The following IL1RAPL2 variants were observed in gnomAD, a reference collection of about 807,000 sequenced individuals.
The protein encoded by IL1RAPL2 is X-linked interleukin-1 receptor accessory protein-like 2.
In IL1RAPL2, 3 loss-of-function variants were observed where a neutral mutation model predicts 44.1. That is an observed-to-expected ratio of 0.07 (90% CI 0.03 to 0.18). IL1RAPL2 has a LOEUF of 0.18. IL1RAPL2 is among the 10% of genes least tolerant of loss of function. The probability of loss-of-function intolerance (pLI) is 1.00; values close to 1 mark genes in which losing one functional copy is unlikely to be tolerated. For synonymous variants in IL1RAPL2, 181 were observed against 178.8 expected, an observed-to-expected ratio of 1.01 and a Z score of -0.10; for missense variants, 391 against 496.4, an observed-to-expected ratio of 0.79 and a Z score of 2.02.
rs185911652 is a variant in IL1RAPL2 at position 105,475,146 on chromosome X, A to G, written c.698-9167A>G. Among the ~76,000 whole-genome samples, 214 of 111,882 alleles carry G rather than the reference A, an allele frequency of 1.9e-3. 1 individual carries two copies. The highest frequency in any genetic ancestry group is 6.3e-3 in the African/African-American group (195 of 30,866). ...TTGGCATGAAATCCCTGCTTAATCA[A>G]TGTTAGCCATGGTGCAGTAGCAAGA... On this transcript the variant is annotated intron_variant, in intron 5 of 10. Coordinates refer to ENST00000372582, the MANE Select transcript of IL1RAPL2 (RefSeq NM_017416.2).
At chrX:105,369,846 A>T (rs1250529713) in intron 5 of IL1RAPL2, among the ~76,000 whole-genome samples, 2 of 111,107 alleles carry the variant, frequency 1.8e-5, no homozygotes, top group African/African-American at 6.6e-5. Context: ...CAAGCCAGGG[A>T]AGAATGTGTG....
At chrX:104,674,762 C>A (rs201745182) in intron 2 of IL1RAPL2, among the ~76,000 whole-genome samples, 1 of 110,375 alleles carries the variant, frequency 9.1e-6, no homozygotes, top group East Asian at 2.9e-4. Context: ...TTGATTATTG[C>A]CACAATTTCA....
chrX:105,578,606 T>C (rs1001634983), intron 6 of IL1RAPL2, among the ~76,000 whole-genome samples: 18 of 111,070 alleles, frequency 1.6e-4, no homozygotes, highest in Non-Finnish European at 7.6e-5. Flanking sequence ...TATGGTAAGA[T>C]GCCTTTAAAG....
intron 5 of IL1RAPL2, among the ~76,000 whole-genome samples, chrX:105,301,685 G>A (rs2034698959): frequency 8.9e-6 from 1 of 111,799 alleles, no homozygotes; most frequent in African/African-American, 3.3e-5. Flanking sequence ...CATCCATGTT[G>A]TTGCAATTGA....
At chrX:105,110,843 A>C (rs761049335) in intron 2 of IL1RAPL2, among the ~76,000 whole-genome samples, 10 of 111,443 alleles carry the variant, frequency 9.0e-5, no homozygotes, top group Admixed American at 3.8e-4. Context: ...AGGCCAAGGC[A>C]GGAGAACCGC....
chrX:104,921,877 C>T (rs1046304600), intron 2 of IL1RAPL2, among the ~76,000 whole-genome samples: 14 of 112,022 alleles, frequency 1.2e-4, no homozygotes, highest in African/African-American at 4.5e-4. Flanking sequence ...AGGGAGATCT[C>T]CCAAGTCCAG....
intron 2 of IL1RAPL2, among the ~76,000 whole-genome samples, chrX:105,065,156 C>T (rs1437162073): frequency 8.9e-6 from 1 of 112,108 alleles, no homozygotes; most frequent in Non-Finnish European, 1.9e-5. Context: ...AATGGAATAT[C>T]TAGCCCCTGA....
At position 105,586,946 on chromosome X, in the gene IL1RAPL2, G is replaced by T. The variant is rs2037133690; in HGVS notation, c.772+102559G>T. ...AGAGAAAGTACTGATCTCTCTTGGG[G>T]TTCCCTTTCCTTGTTTCTCAACCTG... is the stretch of plus-strand genomic sequence containing the variant. On this transcript the variant is annotated intron_variant, in intron 6 of 10. Coordinates refer to ENST00000372582, the MANE Select transcript of IL1RAPL2 (RefSeq NM_017416.2). Among the ~76,000 whole-genome samples the T allele has an allele frequency of 6.2e-5, 7 of 112,109 alleles. No individual in the cohort carries two copies. The South Asian group carries it at 2.6e-3, about 42-fold the overall frequency.
chrX:105,392,948 T>C (rs975204852), intron 5 of IL1RAPL2, among the ~76,000 whole-genome samples: 9 of 112,511 alleles, frequency 8.0e-5, no homozygotes, highest in African/African-American at 2.3e-4. Context: ...CATTTTAAAA[T>C]TGGGATAACT....
intron 2 of IL1RAPL2, among the ~76,000 whole-genome samples, chrX:104,813,219 A>G (rs1182400781): frequency 9.0e-6 from 1 of 111,625 alleles, no homozygotes; most frequent in Non-Finnish European, 1.9e-5. Flanking sequence ...GGAGCTAGTC[A>G]GCAGTGGTGG....
chrX:105,087,655 A>G (rs2032494791), intron 2 of IL1RAPL2, among the ~76,000 whole-genome samples: 1 of 111,495 alleles, frequency 9.0e-6, no homozygotes, highest in South Asian at 3.7e-4. Flanking sequence ...TAGTTCTAAT[A>G]ATTACTACTT....
At chrX:105,167,688 T>C (rs2033383246) in intron 2 of IL1RAPL2, among the ~76,000 whole-genome samples, 1 of 90,148 alleles carries the variant, frequency 1.1e-5, no homozygotes, top group Non-Finnish European at 2.1e-5. Context: ...CACAGCTTCA[T>C]TGCAAAACTG....
chrX:105,708,828 A>G (rs1269338665), intron 6 of IL1RAPL2, among the ~76,000 whole-genome samples: 1 of 112,062 alleles, frequency 8.9e-6, no homozygotes, highest in Admixed American at 9.5e-5. Flanking sequence ...TAGATTGGCT[A>G]CTCTACAAAC....
At chrX:104,722,260 A>C (rs1221067941) in intron 2 of IL1RAPL2, among the ~76,000 whole-genome samples, 1 of 112,012 alleles carries the variant, frequency 8.9e-6, no homozygotes. Context: ...CTAGCTGTGT[A>C]TCAATAAAAT....
chrX:104,745,711 A>C (rs2147580605), intron 2 of IL1RAPL2, among the ~76,000 whole-genome samples: 1 of 111,971 alleles, frequency 8.9e-6, no homozygotes, highest in South Asian at 3.7e-4. Flanking sequence ...GCAAAATTTT[A>C]TTTTAAAGGA....
At chrX:104,636,737 C>G (rs1271430650) in intron 1 of IL1RAPL2, among the ~76,000 whole-genome samples, 1 of 112,322 alleles carries the variant, frequency 8.9e-6, no homozygotes, top group Non-Finnish European at 1.9e-5. Context: ...CAGGTACCGT[C>G]TGTCACCCCT....
At chrX:105,372,633 A>G in intron 5 of IL1RAPL2, among the ~76,000 whole-genome samples, 1 of 109,841 alleles carries the variant, frequency 9.1e-6, no homozygotes, top group Non-Finnish European at 1.9e-5. Flanking sequence ...CATGCTCCCA[A>G]CCTCCACCCT....
At chrX:105,083,152 G>A (rs979488012) in intron 2 of IL1RAPL2, among the ~76,000 whole-genome samples, 4 of 110,761 alleles carry the variant, frequency 3.6e-5, no homozygotes, top group Non-Finnish European at 7.6e-5. Context: ...ACTTCATGAA[G>A]CATACACAAT....
intron 2 of IL1RAPL2, among the ~76,000 whole-genome samples, chrX:105,119,200 G>A (rs1160289206): frequency 9.0e-6 from 1 of 110,939 alleles, no homozygotes; most frequent in Non-Finnish European, 1.9e-5. Context: ...TAATGAGGGA[G>A]CAAGCATTTG....
Sources: gnomAD v4.1 joint callset for allele counts (sites outside exome capture counted in the v4.1 genomes callset) on GRCh38, gnomAD v4.1.1 for gene constraint, MANE v1.5 for transcripts, NCBI Gene and HGNC (gene_info 2026-07-23, HGNC 2026-07-21) for gene names.